SPATA16: variants seen among roughly 807,000 people sequenced by gnomAD.
SPATA16 encodes the protein spermatogenesis associated 16, also known as spermatogenesis-associated protein 16.
SPATA16 carries 36 observed loss-of-function variants against 63.3 expected under a neutral mutation model. That is an observed-to-expected ratio of 0.57 (90% CI 0.44 to 0.75). SPATA16 has a LOEUF of 0.75. Ranked by LOEUF, SPATA16 falls within the 30% of genes least tolerant of loss-of-function variation. The pLI is 0.00. For missense variants in SPATA16, 646 were observed against 679.3 expected, an observed-to-expected ratio of 0.95 and a Z score of 0.54; for synonymous variants, 203 against 216.7, an observed-to-expected ratio of 0.94 and a Z score of 0.56.
Position 172,956,757 on chromosome 3 carries a change from T to C in SPATA16, c.1001A>G (p.Lys334Arg). The C allele has an allele frequency of 6.2e-7, 1 of 1,613,462 alleles. No homozygotes were observed. The highest frequency in any genetic ancestry group is 2.2e-5 in the East Asian group (1 of 44,806). The change falls in exon 6 of 11, where the codon AAA (lysine) becomes AGA (arginine). Residue 334 changes from lysine (K) to arginine (R), a missense_variant. Coordinates refer to ENST00000351008, the MANE Select transcript of SPATA16 (RefSeq NM_031955.6). ...TTTTTCTATTTTATCAGCTCTTATT[T>C]TTGTCGCAAATGGTGTGTACATAAC... ...FSVMYTPFATKIRADKIEKVK... is the reference protein window; with the variant it reads ...FSVMYTPFATRIRADKIEKVK...
intron 4 of SPATA16, among the ~76,000 whole-genome samples, chr3:173,013,882 GGA>G (rs1226373916): frequency 2.6e-5 from 4 of 152,292 alleles, no homozygotes; most frequent in African/African-American, 7.2e-5. Context: ...GGGAGTGCTG[GGA>G]GAGTCTCCAG....
intron 6 of SPATA16, among the ~76,000 whole-genome samples, chr3:172,927,312 G>T (rs182163147): frequency 1.3e-5 from 2 of 152,284 alleles, no homozygotes; most frequent in East Asian, 3.9e-4. Flanking sequence ...TAAGTTATTT[G>T]TCACAGTTTG....
intron 4 of SPATA16, among the ~76,000 whole-genome samples, chr3:173,009,670 G>T (rs990336796): frequency 1.3e-5 from 2 of 152,220 alleles, no homozygotes; most frequent in African/African-American, 4.8e-5. Context: ...GCTGCTGCTC[G>T]CCAGGCAAGT....
intron 5 of SPATA16, among the ~76,000 whole-genome samples, chr3:172,971,155 C>G (rs988491501): frequency 1.3e-5 from 2 of 152,086 alleles, no homozygotes; most frequent in African/African-American, 4.8e-5. Flanking sequence ...CACCTCTGAG[C>G]ACAGAAATTA....
At chr3:173,073,376 C>T (rs1163597521) in intron 2 of SPATA16, among the ~76,000 whole-genome samples, 1 of 152,250 alleles carries the variant, frequency 6.6e-6, no homozygotes, top group Non-Finnish European at 1.5e-5. Flanking sequence ...ATGGCAGCCT[C>T]TCCCATCACA....
intron 4 of SPATA16, among the ~76,000 whole-genome samples, chr3:172,978,161 CTATA>C (rs56787481): frequency 4.1e-5 from 6 of 147,230 alleles, no homozygotes; most frequent in African/African-American, 1.3e-4. Flanking sequence ...CTCTCTCTCT[CTATA>C]TATATATATA....
At chr3:173,074,002 C>G (rs1736731844) in intron 2 of SPATA16, among the ~76,000 whole-genome samples, 1 of 152,214 alleles carries the variant, frequency 6.6e-6, no homozygotes, top group African/African-American at 2.4e-5. Flanking sequence ...CATTCTGGAG[C>G]TTTAAGATTT....
intron 5 of SPATA16, among the ~76,000 whole-genome samples, chr3:172,961,049 T>TC (rs201628569): frequency 0.13 from 11,284 of 87,770 alleles, 1,095 homozygotes; most frequent in East Asian, 0.18. Context: ...TCTTTCTTTC[T>TC]TCTTTCTTTC....
chr3:173,039,535 T>G (rs1318678697), intron 3 of SPATA16, among the ~76,000 whole-genome samples: 1 of 152,124 alleles, frequency 6.6e-6, no homozygotes, highest in Non-Finnish European at 1.5e-5. Flanking sequence ...ACAATACCAC[T>G]CCATTATGCT....
intron 3 of SPATA16, among the ~76,000 whole-genome samples, chr3:173,040,170 A>T (rs1412853144): frequency 6.6e-6 from 1 of 152,078 alleles, no homozygotes; most frequent in Admixed American, 6.6e-5. Context: ...TGTCTTAGCC[A>T]TCTGGATCCT....
intron 1 of SPATA16, among the ~76,000 whole-genome samples, chr3:173,119,045 C>T (rs191699273): frequency 2.8e-4 from 42 of 151,930 alleles, no homozygotes; most frequent in Admixed American, 1.4e-3. Flanking sequence ...AGTAGTTTGC[C>T]GAAGAAGACC....
intron 6 of SPATA16, among the ~76,000 whole-genome samples, chr3:172,950,083 T>C (rs1235038077): frequency 6.6e-6 from 1 of 152,222 alleles, no homozygotes; most frequent in Non-Finnish European, 1.5e-5. Flanking sequence ...GATTATTGAC[T>C]GCTGTTTCTT....
Position 173,117,599 on chromosome 3 carries a change from G to C in SPATA16, c.133C>G (p.Gln45Glu). 6.2e-7 allele frequency: 1 copy of C among 1,613,592 alleles called. No individual in the cohort carries two copies. The highest frequency in any genetic ancestry group is 1.1e-5 in the South Asian group (1 of 91,016). ...CCTCCACAGTTTTTCTTAATCTCTT[G>C]TGACATTTCCAGGATGTTAGGTGGG... ...AHPPNILEMS[Q>E]EIKKNCGGKQ... is the part of the protein sequence containing the mutation. The change falls in exon 2 of 11, where the codon CAA becomes GAA. Residue 45 changes from glutamine (Q) to glutamate (E), a missense_variant. By Grantham distance (29) the Gln-to-Glu change is conservative (BLOSUM62 2). Transcript: ENST00000351008.
At chr3:172,940,275 G>T (rs1347316892) in intron 6 of SPATA16, among the ~76,000 whole-genome samples, 1 of 152,192 alleles carries the variant, frequency 6.6e-6, no homozygotes, top group Non-Finnish European at 1.5e-5. Context: ...ATTGCAACTG[G>T]TATCTAAAAT....
At chr3:172,907,138 G>A (rs996884013) in intron 10 of SPATA16, among the ~76,000 whole-genome samples, 3 of 152,114 alleles carry the variant, frequency 2.0e-5, no homozygotes, top group South Asian at 2.1e-4. Flanking sequence ...ATCATCCAGC[G>A]CAATATCCTT....
At chr3:172,928,910 G>A (rs192375266) in intron 6 of SPATA16, among the ~76,000 whole-genome samples, 3 of 151,924 alleles carry the variant, frequency 2.0e-5, no homozygotes, top group Admixed American at 6.6e-5. Context: ...TGAACATTTA[G>A]CCTAACAGGT....
At chr3:172,977,191 C>A in intron 4 of SPATA16, 139 bp from the exon 5 acceptor site, 1 of 735,152 alleles carries the variant, frequency 1.4e-6, no homozygotes, top group Non-Finnish European at 2.3e-6. Context: ...TTAAGCAAAA[C>A]ACAAAGCACA....
At chr3:173,096,290 T>G (rs1737347872) in intron 2 of SPATA16, among the ~76,000 whole-genome samples, 1 of 152,088 alleles carries the variant, frequency 6.6e-6, no homozygotes, top group African/African-American at 2.4e-5. Context: ...GAAGTCATTT[T>G]CTACTACTCT....
At chr3:173,048,887 C>G in intron 3 of SPATA16, 62 bp downstream of exon 3, 2 of 1,586,748 alleles carry the variant, frequency 1.3e-6, no homozygotes, top group Non-Finnish European at 1.7e-6. Flanking sequence ...CAGGCAAGCT[C>G]AGATAGTACC....
Sources: gnomAD v4.1 joint callset for allele counts (sites outside exome capture counted in the v4.1 genomes callset) on GRCh38, gnomAD v4.1.1 for gene constraint, MANE v1.5 for transcripts, NCBI Gene and HGNC (gene_info 2026-07-23, HGNC 2026-07-21) for gene names.